Variants in OVGP1 observed in about 807,000 individuals in gnomAD.
The protein encoded by OVGP1 is oviductal glycoprotein 1.
Under a neutral mutation model 48.2 loss-of-function variants are expected in OVGP1, and 26 were observed. The ratio of observed to expected loss-of-function variants is 0.54; its 90% CI spans 0.40 to 0.75. The LOEUF (loss-of-function observed/expected upper bound fraction) is 0.75, where lower values mean the gene tolerates loss of function less well. Among genes scored for constraint, OVGP1 ranks in the 30% least tolerant of loss-of-function variants. OVGP1 has a pLI of 0.00. For missense variants in OVGP1, 791 were observed against 820.6 expected, an observed-to-expected ratio of 0.96 and a Z score of 0.44; for synonymous variants, 294 against 305.7, an observed-to-expected ratio of 0.96 and a Z score of 0.40.
rs1652417844 is a variant in OVGP1, at chr1:111,427,063, A to G, written c.54T>C (p.Asp18=). ...VGLVLVLKHH[D]GAAHKLVCYF... is the part of the protein sequence containing the mutation. Reference sequence around the variant, plus strand: ...GAAGGGAAAACACAGTTTCCTTACCATCGTGGTGTTTCAGCACAAGAACCA... The same window carrying G: ...GAAGGGAAAACACAGTTTCCTTACCGTCGTGGTGTTTCAGCACAAGAACCA... Residue 18 remains aspartate (D), a splice_region_variant and synonymous_variant, in exon 2 of 11, where the codon GAT becomes GAC. Transcript: ENST00000369732. The G allele has an allele frequency of 6.2e-7, 1 of 1,614,078 alleles. No homozygotes were observed.
At chr1:111,425,210 T>C (rs538417043) in intron 4 of OVGP1, among the ~76,000 whole-genome samples, 173 bp downstream of exon 4, 2 of 152,346 alleles carry the variant, frequency 1.3e-5, no homozygotes, top group Non-Finnish European at 2.9e-5. Context: ...TGACCCACCA[T>C]GGAGAAGAGG....
intron 8 of OVGP1, 98 bp from the exon 9 acceptor site, chr1:111,419,824 C>T: frequency 1.3e-6 from 1 of 759,428 alleles, no homozygotes; most frequent in East Asian, 2.5e-5. Context: ...TCCAAGAATC[C>T]CTAACCAGCG....
intron 3 of OVGP1, 130 bp from the exon 4 acceptor site, chr1:111,425,569 G>C: frequency 6.7e-7 from 1 of 1,501,038 alleles, no homozygotes; most frequent in Non-Finnish European, 9.0e-7. Context: ...GAAAGGAAAA[G>C]GGGGAAGGTG....
At position 111,414,394 on chromosome 1, in the gene OVGP1, G is replaced by A. The variant is rs963281755; in HGVS notation, c.*70C>T. 4 of 1,399,198 alleles carry A rather than the reference G, an allele frequency of 2.9e-6. No individual in the cohort carries two copies. In the Admixed American group the frequency reaches 6.5e-5, roughly 23 times the overall value. 86.7% of individuals were successfully genotyped at this position (1,399,198 alleles called of 1,614,324 possible). On this transcript the variant is annotated 3_prime_UTR_variant, in exon 11 of 11. Coordinates refer to ENST00000369732, the MANE Select transcript of OVGP1 (RefSeq NM_002557.4). ...TTTGATGCCTGCTTTGCCCCGGGATGAGAAGGCTTCCAACATGTCACTTAG... is the reference window on the plus strand; with the variant it reads ...TTTGATGCCTGCTTTGCCCCGGGATAAGAAGGCTTCCAACATGTCACTTAG...
At chr1:111,422,868 G>A (rs1246072896) in intron 6 of OVGP1, 59 bp downstream of exon 6, 16 of 1,602,832 alleles carry the variant, frequency 1.0e-5, no homozygotes, top group Non-Finnish European at 1.3e-5. Context: ...CTGGGGTTCT[G>A]AGCTCAAGAC....
At chr1:111,423,122 T>A in intron 5 of OVGP1, 71 bp from the exon 6 acceptor site, 1 of 1,591,946 alleles carries the variant, frequency 6.3e-7, no homozygotes, top group Non-Finnish European at 8.6e-7. Context: ...GAGTGTCATC[T>A]AGGAAGCATT....
intron 1 of OVGP1, 104 bp from the exon 2 acceptor site, chr1:111,427,195 C>A: frequency 6.3e-7 from 1 of 1,578,134 alleles, no homozygotes; most frequent in South Asian, 1.2e-5. Context: ...CAACACACCA[C>A]CTTATGCAGA....
chr1:111,424,581 A>G, intron 4 of OVGP1, among the ~76,000 whole-genome samples: 1 of 152,216 alleles, frequency 6.6e-6, no homozygotes, highest in African/African-American at 2.4e-5. Flanking sequence ...GCTTCCTGCA[A>G]GTGTTCACGG....
At chr1:111,426,886 C>T in intron 2 of OVGP1, 176 bp downstream of exon 2, 1 of 1,547,248 alleles carries the variant, frequency 6.5e-7, no homozygotes, top group East Asian at 2.4e-5. Flanking sequence ...TGGACCAAGG[C>T]ACACAGTCAG....
At chr1:111,424,967 ATTTCC>A (rs1427569451) in intron 4 of OVGP1, among the ~76,000 whole-genome samples, 2 of 152,292 alleles carry the variant, frequency 1.3e-5, no homozygotes, top group Non-Finnish European at 2.9e-5. Context: ...GCATTTTGTT[ATTTCC>A]TTTCCTCTGT....
rs867577065 is a variant in OVGP1 at position 111,416,305 on chromosome 1, T to C, written c.1156+18A>G. 5 of 1,552,166 alleles carry C rather than the reference T, an allele frequency of 3.2e-6. No homozygotes were observed. Among genetic ancestry groups the C allele is most frequent in the Middle Eastern group, 1.7e-4 (1 of 5,804 alleles). ...TTATGCAACTTCCAACCCCAGCTTC[T>C]AGGTCACAGCTACTTACCAGCCCGC... On this transcript the variant is annotated intron_variant, in intron 10 of 10. Transcript: ENST00000369732.
intron 1 of OVGP1, 57 bp from the exon 2 acceptor site, chr1:111,427,148 T>C (rs901424376): frequency 3.7e-6 from 6 of 1,612,878 alleles, no homozygotes; most frequent in East Asian, 2.2e-5. Context: ...CAGAGTGGTA[T>C]GGCACAGCAC....
intron 9 of OVGP1, among the ~76,000 whole-genome samples, chr1:111,418,647 A>T (rs980557141): frequency 4.6e-5 from 7 of 152,178 alleles, no homozygotes; most frequent in Admixed American, 4.6e-4. Flanking sequence ...TCTCACCTTT[A>T]AACTGCTGCT....
At chr1:111,427,243 C>A in intron 1 of OVGP1, 152 bp from the exon 2 acceptor site, 2 of 1,486,316 alleles carry the variant, frequency 1.3e-6, no homozygotes, top group South Asian at 2.8e-5. Flanking sequence ...ACCATTTACT[C>A]GTTTCCTAGT....
intron 3 of OVGP1, 25 bp downstream of exon 3, chr1:111,426,412 A>G: frequency 6.2e-7 from 1 of 1,613,574 alleles, no homozygotes; most frequent in East Asian, 2.2e-5. Flanking sequence ...TGAAAATACA[A>G]CCCCCACATC....
Position 111,423,711 on chromosome 1 carries a change from G to A in OVGP1, c.318-3C>T, listed in dbSNP as rs371502471. On this transcript the variant is annotated splice_polypyrimidine_tract_variant and splice_region_variant and intron_variant, in intron 4 of 10. Transcript: ENST00000369732. ...ATGTGGACAACATAGTGGTGAATCT[G>A]TAGGGAGACCAGGGGTAAGGCAAAG... 5.6e-6 allele frequency: 9 copies of A among 1,613,500 alleles called. No homozygotes were observed. In the African/African-American group the frequency reaches 1.2e-4, roughly 22 times the overall value.
At chr1:111,420,396 C>G (rs1282677854) in intron 8 of OVGP1, among the ~76,000 whole-genome samples, 1 of 152,186 alleles carries the variant, frequency 6.6e-6, no homozygotes, top group African/African-American at 2.4e-5. Context: ...ACTATGCCAG[C>G]ACTCATAAAA....
At chr1:111,425,489 G>A in intron 3 of OVGP1, 50 bp from the exon 4 acceptor site, 1 of 1,612,328 alleles carries the variant, frequency 6.2e-7, no homozygotes, top group African/African-American at 1.3e-5. Flanking sequence ...ACTCCGGTGG[G>A]CAGCTGCTGC....
intron 1 of OVGP1, 164 bp downstream of exon 1, chr1:111,427,533 G>T: frequency 2.0e-6 from 1 of 511,156 alleles, no homozygotes; most frequent in Non-Finnish European, 2.5e-6. Flanking sequence ...ACTTCTCCCT[G>T]GGTCCCTCTG....
Sources: allele counts gnomAD v4.1 joint callset (sites outside exome capture counted in the v4.1 genomes callset), GRCh38; gene constraint gnomAD v4.1.1; transcripts MANE v1.5; gene names NCBI Gene and HGNC (gene_info 2026-07-23, HGNC 2026-07-21).